The following TIAM1 variants were observed in gnomAD, a reference collection of about 807,000 sequenced individuals.
TIAM1 encodes the protein rho guanine nucleotide exchange factor TIAM1.
Under a neutral mutation model 163.5 loss-of-function variants are expected in TIAM1, and 65 were observed. The observed-to-expected ratio is 0.40, with a 90% CI of 0.33 to 0.49. The LOEUF (loss-of-function observed/expected upper bound fraction) is 0.49. Among genes scored for constraint, TIAM1 ranks in the 20% least tolerant of loss-of-function variants. The pLI, the probability that TIAM1 is intolerant of heterozygous loss-of-function variation, is 0.77. For synonymous variants in TIAM1, 833 were observed against 810.1 expected, an observed-to-expected ratio of 1.03 and a Z score of -0.48; for missense variants, 1,789 against 2,044.7, an observed-to-expected ratio of 0.87 and a Z score of 2.41.
chr21:31,511,371 C>A (rs1418524751), intron 1 of TIAM1, among the ~76,000 whole-genome samples: 1 of 152,188 alleles, frequency 6.6e-6, no homozygotes, highest in Non-Finnish European at 1.5e-5. Flanking sequence ...TGCAATACAG[C>A]CTAGCAGAGG....
rs1256223720 is a variant in TIAM1 at position 31,210,141 on chromosome 21, G to A, written c.2292C>T (p.Phe764=). 1.2e-6 allele frequency: 2 copies of A among 1,614,172 alleles called. No individual in the cohort carries two copies. Among genetic ancestry groups the A allele is most frequent in the Non-Finnish European group, 1.7e-6 (2 of 1,180,032 alleles). ...PDCDIWVHEY[F]TPSWFCLPNN... Reference sequence around the variant, plus strand: ...TGGGCAGACAGAACCAGGATGGAGTGAAATACTCGTGGACCCAAATGTCGC... The same window carrying A: ...TGGGCAGACAGAACCAGGATGGAGTAAAATACTCGTGGACCCAAATGTCGC... Residue 764 remains phenylalanine (F), a synonymous_variant, in exon 11 of 28, where the codon TTC becomes TTT. Transcript: ENST00000541036.
intron 1 of TIAM1, among the ~76,000 whole-genome samples, chr21:31,522,780 T>C (rs2833435): frequency 0.31 from 47,068 of 152,022 alleles, 8,153 homozygotes; most frequent in East Asian, 0.71. Context: ...CTATAACATA[T>C]CAAGAATTGG....
chr21:31,463,379 G>T (rs2045404446), intron 2 of TIAM1, among the ~76,000 whole-genome samples: 1 of 152,062 alleles, frequency 6.6e-6, no homozygotes, highest in African/African-American at 2.4e-5. Context: ...ACCCTCAAAG[G>T]GTTCCAGAAT....
chr21:31,450,057 A>T (rs538503064), intron 2 of TIAM1, among the ~76,000 whole-genome samples: 3 of 152,302 alleles, frequency 2.0e-5, no homozygotes, highest in Admixed American at 1.3e-4. Context: ...TAATGGAAGG[A>T]GCTGCTCGTG....
At chr21:31,557,707 G>C (rs1374479268) in intron 1 of TIAM1, among the ~76,000 whole-genome samples, 5 of 152,228 alleles carry the variant, frequency 3.3e-5, no homozygotes. Flanking sequence ...GTGTCACCGA[G>C]GCGGGCACAG....
intron 1 of TIAM1, among the ~76,000 whole-genome samples, chr21:31,554,395 C>T (rs2048800358): frequency 1.3e-5 from 2 of 152,104 alleles, no homozygotes; most frequent in African/African-American, 4.8e-5. Context: ...GACACTTCCC[C>T]CTCCCTTTCA....
At chr21:31,188,756 T>TA (rs567763500) in intron 13 of TIAM1, among the ~76,000 whole-genome samples, 468 of 152,074 alleles carry the variant, frequency 3.1e-3, no homozygotes, top group African/African-American at 0.01. Context: ...TAATTTTTTT[T>TA]AGAGATGGGG....
intron 6 of TIAM1, among the ~76,000 whole-genome samples, chr21:31,228,259 A>AAAAAAAAAAG (rs1601627154): frequency 2.4e-5 from 2 of 82,794 alleles, no homozygotes; most frequent in Admixed American, 1.4e-4. Context: ...AAAAAAAAAA[A>AAAAAAAAAAG]GGAAGGAAAA....
At chr21:31,355,977 T>C (rs554509739) in intron 2 of TIAM1, among the ~76,000 whole-genome samples, 1 of 152,202 alleles carries the variant, frequency 6.6e-6, no homozygotes, top group Non-Finnish European at 1.5e-5. Flanking sequence ...CACAGTTCTA[T>C]TGCAAGTGCC....
intron 15 of TIAM1, among the ~76,000 whole-genome samples, chr21:31,179,537 C>T (rs891384467): frequency 4.8e-4 from 69 of 145,182 alleles, no homozygotes; most frequent in Middle Eastern, 3.4e-3. Context: ...GAGTTATGGC[C>T]GCTTAATTGA....
At chr21:31,396,898 G>A (rs1011351866) in intron 2 of TIAM1, among the ~76,000 whole-genome samples, 8 of 152,032 alleles carry the variant, frequency 5.3e-5, no homozygotes, top group East Asian at 3.9e-4. Flanking sequence ...GCAGTGAACC[G>A]AGATCGCGCC....
Position 31,120,859 on chromosome 21 carries a change from TA to T in TIAM1, c.4307-23del. The T allele has an allele frequency of 1.3e-6, 2 of 1,560,278 alleles. No individual in the cohort carries two copies. Among genetic ancestry groups the T allele is most frequent in the Non-Finnish European group, 1.7e-6 (2 of 1,155,602 alleles). ...GACACTGCACACACACACAAAAATA[TA>T]AAAATAAAACCCCCACATGCTTTAC... On this transcript the variant is annotated intron_variant, in intron 27 of 27. Transcript: ENST00000541036. This position sits in a 1 kb window ranked among gnomAD's most constrained non-coding sequence, Gnocchi z 4.2.
At chr21:31,337,547 T>TATTATTATTATTATTATTA (rs1569240035) in intron 2 of TIAM1, among the ~76,000 whole-genome samples, 1 of 149,936 alleles carries the variant, frequency 6.7e-6, no homozygotes, top group African/African-American at 2.5e-5. Flanking sequence ...TTATTATTAT[T>TATTATTATTATTATTATTA]TTGAGACAGA....
At chr21:31,208,946 GT>G (rs1455909713) in intron 11 of TIAM1, among the ~76,000 whole-genome samples, 4 of 149,288 alleles carry the variant, frequency 2.7e-5, no homozygotes, top group Non-Finnish European at 5.9e-5. Context: ...TGATAGAAAA[GT>G]TTTTCATTTT....
At chr21:31,493,061 T>C (rs893533636) in intron 1 of TIAM1, among the ~76,000 whole-genome samples, 2 of 152,198 alleles carry the variant, frequency 1.3e-5, no homozygotes, top group African/African-American at 4.8e-5. Context: ...TGGAACTGTC[T>C]GTTCATCAAA....
intron 2 of TIAM1, among the ~76,000 whole-genome samples, chr21:31,435,756 T>TCTCTC (rs1171904099): frequency 2.0e-4 from 30 of 152,312 alleles, no homozygotes; most frequent in African/African-American, 7.0e-4. Context: ...AGGTGGGACC[T>TCTCTC]TTAAGAGGTA....
chr21:31,442,583 G>C (rs1005454819), intron 2 of TIAM1, among the ~76,000 whole-genome samples: 1 of 152,194 alleles, frequency 6.6e-6, no homozygotes, highest in Admixed American at 6.5e-5. Context: ...TCTTGCTAAA[G>C]ACAGGCCAAG....
intron 1 of TIAM1, among the ~76,000 whole-genome samples, chr21:31,511,242 G>T (rs1459572652): frequency 6.6e-6 from 1 of 152,206 alleles, no homozygotes; most frequent in East Asian, 1.9e-4. Flanking sequence ...CTCAGCCCTA[G>T]GAAACCAGGG....
At chr21:31,228,219 TTAAAAAAAAAAA>T (rs2088118970) in intron 6 of TIAM1, among the ~76,000 whole-genome samples, 3 of 17,628 alleles carry the variant, frequency 1.7e-4, no homozygotes, top group African/African-American at 2.2e-4. Context: ...CCTCCTTTTT[TTAAAAAAAAAAA>T]AAAAAAAAAA....
Sources: gnomAD v4.1 joint callset for allele counts (sites outside exome capture counted in the v4.1 genomes callset) on GRCh38, gnomAD v4.1.1 for gene constraint, Gnocchi (gnomAD v3.1) non-coding constraint, MANE v1.5 for transcripts, NCBI Gene and HGNC (gene_info 2026-07-23, HGNC 2026-07-21) for gene names.